Variants in ITGB8 observed in about 807,000 individuals in gnomAD.
The protein encoded by ITGB8 is integrin subunit beta 8.
ITGB8 carries 30 observed loss-of-function variants against 89.5 expected under a neutral mutation model. The ratio of observed to expected loss-of-function variants is 0.34; its 90% CI spans 0.25 to 0.45. The LOEUF (loss-of-function observed/expected upper bound fraction) is 0.45. Ranked by LOEUF, ITGB8 falls within the 20% of genes least tolerant of loss-of-function variation. The pLI, the probability that ITGB8 is intolerant of heterozygous loss-of-function variation, is 1.00. For missense variants in ITGB8, 836 were observed against 933.3 expected (o/e 0.90, Z 1.36); for synonymous variants, 335 against 320.4 (o/e 1.05, Z -0.49).
chr7:20,363,748 C>A, intron 2 of ITGB8, 26 bp downstream of exon 2: 1 of 1,423,590 alleles, frequency 7.0e-7, no homozygotes, highest in Non-Finnish European at 9.6e-7. Context: ...TTTTCTTTTT[C>A]TCATGGTTGA....
At chr7:20,360,960 T>C (rs923988490) in intron 1 of ITGB8, among the ~76,000 whole-genome samples, 1 of 149,350 alleles carries the variant, frequency 6.7e-6, no homozygotes, top group Non-Finnish European at 1.5e-5. Flanking sequence ...TATATTATTA[T>C]ATATAATCAC....
chr7:20,352,673 T>A (rs7456987), intron 1 of ITGB8: 3 of 152,098 alleles, frequency 2.0e-5, no homozygotes, highest in East Asian at 3.9e-4. Context: ...CATGGTGTTC[T>A]CTTTCTCCTT....
intron 2 of ITGB8, chr7:20,366,348 A>C (rs766453617): frequency 1.3e-5 from 2 of 152,200 alleles, no homozygotes; most frequent in Non-Finnish European, 2.9e-5. Context: ...GAATTCTCTC[A>C]CTTCTGTGCA....
intron 1 of ITGB8, among the ~76,000 whole-genome samples, chr7:20,334,018 G>A (rs1415097021): frequency 6.6e-6 from 1 of 152,126 alleles, no homozygotes; most frequent in Non-Finnish European, 1.5e-5. Context: ...AGAATGTTGA[G>A]GGCAATAAAG....
chr7:20,406,861 A>G (rs1192444210), intron 12 of ITGB8, among the ~76,000 whole-genome samples: 2 of 152,226 alleles, frequency 1.3e-5, no homozygotes, highest in Non-Finnish European at 2.9e-5. Flanking sequence ...TGTCACATTT[A>G]TAATCATTCA....
At chr7:20,398,489 T>G (rs1054118864) in intron 8 of ITGB8, among the ~76,000 whole-genome samples, 1 of 152,212 alleles carries the variant, frequency 6.6e-6, no homozygotes, top group Admixed American at 6.5e-5. Flanking sequence ...GATTTACCCT[T>G]TGTGATGATA....
At chr7:20,343,525 A>G (rs1784829847) in intron 1 of ITGB8, among the ~76,000 whole-genome samples, 1 of 152,296 alleles carries the variant, frequency 6.6e-6, no homozygotes, top group Non-Finnish European at 1.5e-5. Flanking sequence ...CAGGTGCCCT[A>G]TCCCTAAAAC....
chr7:20,391,888 G>A (rs1239658324), intron 7 of ITGB8, among the ~76,000 whole-genome samples: 1 of 152,180 alleles, frequency 6.6e-6, no homozygotes, highest in African/African-American at 2.4e-5. Context: ...CTCATAATAG[G>A]TTAAAATTAG....
chr7:20,354,328 A>C (rs1441878669), intron 1 of ITGB8, among the ~76,000 whole-genome samples: 1 of 152,216 alleles, frequency 6.6e-6, no homozygotes, highest in Non-Finnish European at 1.5e-5. Flanking sequence ...ATATCTCTTT[A>C]GTATGGATGA....
chr7:20,381,018 G>C, intron 5 of ITGB8, 187 bp downstream of exon 5: 1 of 522,434 alleles, frequency 1.9e-6, no homozygotes, highest in African/African-American at 1.9e-5. Flanking sequence ...CTAAATTCAG[G>C]GAGGGATTTA....
chr7:20,339,059 G>T (rs1175554801), intron 1 of ITGB8, among the ~76,000 whole-genome samples: 1 of 151,922 alleles, frequency 6.6e-6, no homozygotes, highest in Non-Finnish European at 1.5e-5. Flanking sequence ...GGATGTGGTT[G>T]CACACACCTA....
intron 1 of ITGB8, among the ~76,000 whole-genome samples, chr7:20,347,560 G>A (rs1343614428): frequency 6.6e-6 from 1 of 152,162 alleles, no homozygotes; most frequent in Non-Finnish European, 1.5e-5. Context: ...GGTAGAGAGA[G>A]GAGTCAAGGT....
At chr7:20,354,899 G>A (rs935132824) in intron 1 of ITGB8, among the ~76,000 whole-genome samples, 8 of 152,152 alleles carry the variant, frequency 5.3e-5, no homozygotes, top group Admixed American at 3.9e-4. Context: ...TTAGGATTCC[G>A]TTAGTTAAGA....
At chr7:20,378,869 C>T (rs1466767442) in intron 3 of ITGB8, among the ~76,000 whole-genome samples, 182 bp from the exon 4 acceptor site, 3 of 152,016 alleles carry the variant, frequency 2.0e-5, no homozygotes, top group Admixed American at 1.3e-4. Context: ...TTCAAATTGC[C>T]TTATAATTAT....
intron 3 of ITGB8, chr7:20,377,420 C>A (rs971256583): frequency 5.9e-5 from 9 of 152,254 alleles, no homozygotes; most frequent in African/African-American, 2.2e-4. Flanking sequence ...ACCAAAAAAA[C>A]GCTGATCCAC....
chr7:20,357,136 C>T lies in ITGB8; in HGVS notation c.128-6501C>T, dbSNP rs1785322994. ...TCTGGGAAATAATTTAAAAATTGTT[C>T]AGCTTAAATCAATGTTCATGTTGCA... On this transcript the variant is annotated intron_variant, in intron 1 of 13. Transcript: ENST00000222573. Among the ~76,000 whole-genome samples, 4 of 152,180 alleles carry T rather than the reference C, an allele frequency of 2.6e-5. No homozygotes were observed. The South Asian group carries it at 8.3e-4, about 32-fold the overall frequency.
At chr7:20,381,968 C>A in intron 6 of ITGB8, 83 bp downstream of exon 6, 1 of 1,160,994 alleles carries the variant, frequency 8.6e-7, no homozygotes, top group Non-Finnish European at 1.2e-6. Context: ...TATTTTTGTA[C>A]CAGGAAATTA....
intron 10 of ITGB8, 128 bp from the exon 11 acceptor site, chr7:20,404,500 G>A: frequency 1.3e-6 from 1 of 753,856 alleles, no homozygotes. Flanking sequence ...CAATGAAAAA[G>A]TGATGCTGTT....
In ITGB8 at chr7:20,391,463, T is replaced by G; in HGVS notation, c.1021T>G (p.Phe341Val). The change falls in exon 7 of 14, where the codon TTT becomes GTT. Residue 341 changes from phenylalanine (F) to valine (V), a missense_variant. Phe to Val is a conservative substitution (Grantham distance 50). This residue lies in a region of ITGB8 where 192 missense variants were observed against 267.1 expected (regional missense o/e 0.72). Transcript: ENST00000222573. ...KLIDNNINVIFAVQGKQFHWY... is the reference protein window; with the variant it reads ...KLIDNNINVIVAVQGKQFHWY... Reference sequence around the variant, plus strand: ...AATAGACAACAACATTAATGTCATCTTTGCAGTTCAAGGAAAACAATTTCA... The same window carrying G: ...AATAGACAACAACATTAATGTCATCGTTGCAGTTCAAGGAAAACAATTTCA... The G allele has an allele frequency of 6.2e-7, 1 of 1,604,968 alleles. No homozygotes were observed. Among genetic ancestry groups the G allele is most frequent in the Non-Finnish European group, 8.5e-7 (1 of 1,174,772 alleles).
Sources: allele counts gnomAD v4.1 joint callset (sites outside exome capture counted in the v4.1 genomes callset), GRCh38; gene constraint gnomAD v4.1.1; regional missense constraint gnomAD v4.1.1; transcripts MANE v1.5; gene names NCBI Gene and HGNC (gene_info 2026-07-23, HGNC 2026-07-21).